YIPF7: variants seen among roughly 807,000 people sequenced by gnomAD.
YIPF7 encodes the protein Yip1 domain family member 7, also known as protein YIPF7.
In YIPF7, 35 loss-of-function variants were observed where a neutral mutation model predicts 27.2. The ratio of observed to expected loss-of-function variants is 1.29; its 90% CI spans 0.98 to 1.70. The LOEUF (loss-of-function observed/expected upper bound fraction) is 1.70. Among genes scored for constraint, YIPF7 ranks in the 40% most tolerant of loss-of-function variants. The pLI is 0.00. For missense variants in YIPF7, 358 were observed against 303.7 expected (o/e 1.18, Z -1.33); for synonymous variants, 137 against 110.4 (o/e 1.24, Z -1.51).
At chr4:44,630,798 G>A (rs1425741184) in intron 3 of YIPF7, among the ~76,000 whole-genome samples, 3 of 152,018 alleles carry the variant, frequency 2.0e-5, no homozygotes, top group Admixed American at 6.6e-5. Flanking sequence ...AATAAATATC[G>A]ATACCAGATC....
chr4:44,652,349 G>C (rs895120279), upstream of YIPF7, among the ~76,000 whole-genome samples: 4 of 152,148 alleles, frequency 2.6e-5, no homozygotes, highest in Non-Finnish European at 5.9e-5. Context: ...TAGATCTGGT[G>C]TTCTCATCCC....
chr4:44,638,255 C>T (rs563607401), intron 2 of YIPF7, among the ~76,000 whole-genome samples: 8 of 138,090 alleles, frequency 5.8e-5, no homozygotes, highest in South Asian at 2.3e-4. Context: ...TTTTTATTGC[C>T]GATTCAATCT....
At chr4:44,646,865 A>G (rs901949850) in intron 2 of YIPF7, among the ~76,000 whole-genome samples, 2 of 152,180 alleles carry the variant, frequency 1.3e-5, no homozygotes, top group Admixed American at 6.5e-5. Flanking sequence ...ATGACTGATT[A>G]TAACTATTCT....
intron 3 of YIPF7, among the ~76,000 whole-genome samples, chr4:44,633,778 A>G (rs1208253060): frequency 1.3e-5 from 2 of 152,190 alleles, no homozygotes; most frequent in Non-Finnish European, 2.9e-5. Flanking sequence ...ACTATATAAA[A>G]TCCCTAAAAA....
At chr4:44,661,123 C>A (rs973871368) in intron 1 of YIPF7, among the ~76,000 whole-genome samples, 5 of 152,274 alleles carry the variant, frequency 3.3e-5, no homozygotes, top group East Asian at 1.9e-4. Flanking sequence ...AGTTTTCCAA[C>A]CTTAGTCTCT....
At chr4:44,625,886 G>A (rs1712617107) in intron 4 of YIPF7, among the ~76,000 whole-genome samples, 1 of 152,108 alleles carries the variant, frequency 6.6e-6, no homozygotes. Flanking sequence ...CTAGATAAAA[G>A]TTGAATAGGC....
At chr4:44,642,002 C>T (rs984002206) in intron 2 of YIPF7, among the ~76,000 whole-genome samples, 2 of 151,932 alleles carry the variant, frequency 1.3e-5, no homozygotes, top group Non-Finnish European at 2.9e-5. Flanking sequence ...TTAATGTAAG[C>T]CTTTCCAGAA....
chr4:44,655,925 T>C (rs866673072), upstream of YIPF7, among the ~76,000 whole-genome samples: 8 of 152,000 alleles, frequency 5.3e-5, no homozygotes, highest in African/African-American at 7.2e-5. Context: ...ATATGTTCTA[T>C]GGCAAGCAAA....
intron 3 of YIPF7, among the ~76,000 whole-genome samples, chr4:44,630,617 G>A (rs1712853716): frequency 6.6e-6 from 1 of 152,118 alleles, no homozygotes; most frequent in South Asian, 2.1e-4. Context: ...CAAAATCAAT[G>A]AGGTTCAGTG....
chr4:44,640,547 G>A (rs967202999), intron 2 of YIPF7, among the ~76,000 whole-genome samples: 1 of 152,208 alleles, frequency 6.6e-6, no homozygotes, highest in African/African-American at 2.4e-5. Flanking sequence ...CATGGGAAGG[G>A]TGGGACCAGT....
At chr4:44,630,282 T>C (rs973404989) in intron 3 of YIPF7, among the ~76,000 whole-genome samples, 43 of 152,290 alleles carry the variant, frequency 2.8e-4, no homozygotes, top group African/African-American at 8.9e-4. Context: ...TCCTGTATTT[T>C]CAATTGCTGA....
chr4:44,637,964 T>C (rs980940754), intron 2 of YIPF7, among the ~76,000 whole-genome samples: 1 of 152,236 alleles, frequency 6.6e-6, no homozygotes, highest in Non-Finnish European at 1.5e-5. Flanking sequence ...AAGTGACTAA[T>C]ATCCAGAATC....
At chr4:44,656,100 T>C (rs551894575), upstream of YIPF7, among the ~76,000 whole-genome samples, 1 of 152,198 alleles carries the variant, frequency 6.6e-6, no homozygotes, top group African/African-American at 2.4e-5. Flanking sequence ...CTTATTAAGT[T>C]TTTAGTTTGG....
chr4:44,659,813 T>G (rs752985650), intron 2 of YIPF7, among the ~76,000 whole-genome samples: 3 of 152,154 alleles, frequency 2.0e-5, no homozygotes, highest in Non-Finnish European at 2.9e-5. Flanking sequence ...TCAGGGAATA[T>G]ACATTAAAAC....
upstream of YIPF7, among the ~76,000 whole-genome samples, chr4:44,652,541 T>C (rs1713767907): frequency 6.6e-6 from 1 of 152,210 alleles, no homozygotes; most frequent in Non-Finnish European, 1.5e-5. Context: ...GCTGGAGTAA[T>C]TTTTTTCCAC....
rs370306946 is a variant in YIPF7, at chr4:44,650,088, C to T, written c.13G>A (p.Ala5Thr). The T allele has an allele frequency of 5.9e-5, 92 of 1,561,676 alleles. No homozygotes were observed. The highest frequency in any genetic ancestry group is 5.0e-4 in the Middle Eastern group (3 of 5,944). ...TGGTAAAAATCAGAGTCAAATTGTG[C>T]CAAGTTTGACATCCTGAAAAATAAG... Reference protein sequence around the residue: MSNLAQFDSDFYQSN... With the variant: MSNLTQFDSDFYQSN... The change falls in exon 2 of 6, where the codon GCA (alanine) becomes ACA (threonine). Residue 5 changes from alanine (A) to threonine (T), a missense_variant. Ala to Thr is a moderately conservative substitution (Grantham distance 58). Coordinates refer to ENST00000415895, the MANE Select transcript of YIPF7 (RefSeq NM_182592.3).
intron 2 of YIPF7, among the ~76,000 whole-genome samples, chr4:44,656,777 CTT>C (rs60122990): frequency 0.077 from 11,751 of 151,968 alleles, 528 homozygotes; most frequent in Admixed American, 0.13. Flanking sequence ...AATGCTCTCT[CTT>C]GTAGAGAGAC....
At chr4:44,660,517 G>A (rs1714018618) in exon 2 of YIPF7, 1 of 152,208 alleles carries the variant, frequency 6.6e-6, no homozygotes, top group Non-Finnish European at 1.5e-5. Context: ...CAAGATGAGA[G>A]AGAAAGAGAT....
chr4:44,648,208 GA>G lies in YIPF7; in HGVS notation c.116+1776del, dbSNP rs1478758831. On this transcript the variant is annotated intron_variant, in intron 2 of 5. Transcript: ENST00000415895. ...AGTGCAAGTTGAGTATCCTTTATCT[GA>G]AATGTTTGGGACCAAAGTGTTTTAG... Among the ~76,000 whole-genome samples the G allele has an allele frequency of 3.3e-5, 5 of 152,134 alleles. No individual in the cohort carries two copies. In the East Asian group the frequency reaches 9.7e-4, roughly 30 times the overall value.
Sources: allele counts gnomAD v4.1 joint callset (sites outside exome capture counted in the v4.1 genomes callset), GRCh38; gene constraint gnomAD v4.1.1; transcripts MANE v1.5; gene names NCBI Gene and HGNC (gene_info 2026-07-23, HGNC 2026-07-21).